Variants in EIF3D observed in about 807,000 individuals in gnomAD.
EIF3D encodes the protein eukaryotic translation initiation factor 3 subunit D.
In EIF3D, 10 loss-of-function variants were observed where a neutral mutation model predicts 75.4. The ratio of observed to expected loss-of-function variants is 0.13; its 90% CI spans 0.08 to 0.22. The LOEUF (loss-of-function observed/expected upper bound fraction) is 0.22. EIF3D is among the 10% of genes least tolerant of loss of function. EIF3D has a pLI of 1.00. For missense variants in EIF3D, 394 were observed against 708.0 expected, an observed-to-expected ratio of 0.56 and a Z score of 5.03; for synonymous variants, 246 against 248.3, an observed-to-expected ratio of 0.99 and a Z score of 0.09.
In EIF3D at chr22:36,511,037, G is replaced by C. The variant is rs577815165; in HGVS notation, c.1634-37C>G. 3.3e-5 allele frequency: 53 copies of C among 1,600,684 alleles called. 1 individual carries two copies. The South Asian group carries it at 4.4e-4, about 13-fold the overall frequency. On this transcript the variant is annotated intron_variant, in intron 14 of 14. Transcript: ENST00000216190. ...AAAAAATGTAAGAGAAATGAGCCAG[G>C]TTGTGTGATATGATGTTCACTTTCC...
intron 13 of EIF3D, among the ~76,000 whole-genome samples, chr22:36,512,040 G>A (rs1304278816): frequency 7.2e-5 from 11 of 151,976 alleles, no homozygotes; most frequent in Non-Finnish European, 1.6e-4. Flanking sequence ...ACAGGCGCCC[G>A]CCACTACGCC....
intron 9 of EIF3D, among the ~76,000 whole-genome samples, chr22:36,518,508 A>AC (rs1445489001): frequency 6.7e-6 from 1 of 150,370 alleles, no homozygotes; most frequent in Non-Finnish European, 1.5e-5. Context: ...AAAAAAAAAA[A>AC]ACAACAAAAA....
chr22:36,526,822 C>G (rs1487921797), intron 1 of EIF3D: 2 of 152,214 alleles, frequency 1.3e-5, no homozygotes, highest in Admixed American at 1.3e-4. Context: ...CTCCTGACCT[C>G]AAATGATCCT....
intron 3 of EIF3D, 149 bp downstream of exon 3, chr22:36,525,515 T>C: frequency 1.1e-6 from 1 of 899,836 alleles, no homozygotes; most frequent in Non-Finnish European, 1.8e-6. Flanking sequence ...AATGTGGTTA[T>C]TGTTAAAGCC....
rs889229792 is a variant in EIF3D, at chr22:36,519,298, C to T, written c.711+107G>A. 6.7e-6 allele frequency: 10 copies of T among 1,499,058 alleles called. No homozygotes were observed. In the Admixed American group the frequency reaches 1.9e-4, roughly 29 times the overall value. The allele number at this position is 1,499,058 out of a possible 1,614,324, so 92.9% of individuals were successfully genotyped here. ...GGTCTACCTGGCAAAGTGCTTTTAC[C>T]TATAATACATACGTTATTCCCATGT... is the stretch of plus-strand genomic sequence containing the variant. On this transcript the variant is annotated intron_variant, in intron 8 of 14. Coordinates refer to ENST00000216190, the MANE Select transcript of EIF3D (RefSeq NM_003753.4).
intron 5 of EIF3D, among the ~76,000 whole-genome samples, chr22:36,523,487 G>A (rs1019000290): frequency 6.6e-6 from 1 of 152,210 alleles, no homozygotes; most frequent in African/African-American, 2.4e-5. Context: ...ATACTGACCA[G>A]ATGATTTTAC....
At chr22:36,522,119 T>C (rs1934523343) in intron 6 of EIF3D, among the ~76,000 whole-genome samples, 1 of 152,200 alleles carries the variant, frequency 6.6e-6, no homozygotes, top group South Asian at 2.1e-4. Flanking sequence ...TTTGGGAGGC[T>C]GAGGTGGGTG....
At chr22:36,525,845 C>A in intron 2 of EIF3D, 136 bp from the exon 3 acceptor site, 2 of 1,445,800 alleles carry the variant, frequency 1.4e-6, no homozygotes, top group East Asian at 2.3e-5. Flanking sequence ...AAGTGCCCAG[C>A]TCTTCTATGA....
Position 36,510,993 on chromosome 22 carries a change from T to G in EIF3D, c.1641A>C (p.Glu547Asp). 1 of 1,608,408 alleles carries G rather than the reference T, an allele frequency of 6.2e-7. No individual in the cohort carries two copies. The highest frequency in any genetic ancestry group is 8.5e-7 in the Non-Finnish European group (1 of 1,178,320). ...EEEEEEEEEEET is the reference protein window; with the variant it reads ...EEEEEEEEEEDT ...CCAGCTCCACATCACTGGTTTAAGT[T>G]TCTTCCTCTGAAAGACACAAAAAAT... Residue 547 changes from glutamate (E) to aspartate (D), a missense_variant, in exon 15 of 15, where the codon GAA becomes GAC. Physicochemically the swap from Glu to Asp is conservative, Grantham distance 45 (BLOSUM62 2). Coordinates refer to ENST00000216190, the MANE Select transcript of EIF3D (RefSeq NM_003753.4).
At chr22:36,523,053 A>G in intron 6 of EIF3D, 156 bp downstream of exon 6, 1 of 647,072 alleles carries the variant, frequency 1.5e-6, no homozygotes, top group South Asian at 1.7e-5. Flanking sequence ...GGGTGATGAA[A>G]ATGGTCTGAA....
intron 12 of EIF3D, chr22:36,512,854 CACGG>C (rs1934362783): frequency 5.0e-6 from 2 of 399,616 alleles, no homozygotes; most frequent in Admixed American, 5.3e-5. Context: ...GATGGACACA[CACGG>C]ACACACACAC....
In EIF3D at chr22:36,526,147, C is replaced by A; in HGVS notation, c.-10-16G>T. ...CTTCCAAAATCTGAAAAATATAAATCATGTGAGTAGCGGCATGAACGAAGG... is the reference window on the plus strand; with the variant it reads ...CTTCCAAAATCTGAAAAATATAAATAATGTGAGTAGCGGCATGAACGAAGG... On this transcript the variant is annotated splice_polypyrimidine_tract_variant and intron_variant, in intron 1 of 14. Transcript: ENST00000216190. 6.3e-7 allele frequency: 1 copy of A among 1,591,136 alleles called. No individual in the cohort carries two copies. Among genetic ancestry groups the A allele is most frequent in the East Asian group, 2.3e-5 (1 of 44,072 alleles).
At chr22:36,525,949 A>G in intron 2 of EIF3D, 50 bp downstream of exon 2, 1 of 1,562,026 alleles carries the variant, frequency 6.4e-7, no homozygotes. Context: ...GGGACTCGAG[A>G]GTAGCAGCCA....
chr22:36,511,832 G>A (rs1453137807), intron 13 of EIF3D, 46 bp from the exon 14 acceptor site: 2 of 1,589,772 alleles, frequency 1.3e-6, no homozygotes, highest in Non-Finnish European at 1.7e-6. Flanking sequence ...GCAGCACAGA[G>A]ACAGCAACAC....
At position 36,526,014 on chromosome 22, in the gene EIF3D, T is replaced by G; in HGVS notation, c.108A>C (p.Gly36=). The G allele has an allele frequency of 8.7e-6, 14 of 1,611,960 alleles. No homozygotes were observed. Among genetic ancestry groups the G allele is most frequent in the Non-Finnish European group, 1.2e-5 (14 of 1,178,990 alleles). ...RDMPYQPFSK[G]DRLGKVADWT... ...AGGCATGTACCTTTCCTAGCCGATCTCCTTTGCTGAACGGCTGGTAGGGCA... is the reference window on the plus strand; with the variant it reads ...AGGCATGTACCTTTCCTAGCCGATCGCCTTTGCTGAACGGCTGGTAGGGCA... Residue 36 remains glycine, a synonymous_variant, in exon 2 of 15, where the codon GGA becomes GGC. Coordinates refer to ENST00000216190, the MANE Select transcript of EIF3D (RefSeq NM_003753.4).
rs763811074 is a variant in EIF3D, at chr22:36,512,571, A to AGC, written c.1236_1237dup (p.Leu413ArgfsTer14). ...AATGACAGCCCCTCGCTGAGAGTCC[A>AGC]GCTTCTGACGCCAGTCAACGCCATT... On this transcript the variant is annotated frameshift_variant, in exon 13 of 15. Transcript: ENST00000216190. LOFTEE classifies it high-confidence loss of function. The AGC allele has an allele frequency of 6.2e-7, 1 of 1,614,168 alleles. No individual in the cohort carries two copies. The highest frequency in any genetic ancestry group is 8.5e-7 in the Non-Finnish European group (1 of 1,180,014).
rs377189306 is a variant in EIF3D, at chr22:36,525,713, C to G, written c.124-4G>C. The G allele has an allele frequency of 4.3e-6, 7 of 1,610,114 alleles. No homozygotes were observed. In the Admixed American group the frequency reaches 6.8e-5, roughly 16 times the overall value. On this transcript the variant is annotated splice_region_variant and splice_polypyrimidine_tract_variant and intron_variant, in intron 2 of 14. Coordinates refer to ENST00000216190, the MANE Select transcript of EIF3D (RefSeq NM_003753.4). ...TGGCTCCTGTCCAGTCTGCAACCTA[C>G]GAAGAACAAGAAAAGACAGAGAATG...
At chr22:36,512,817 A>G in intron 12 of EIF3D, 4 of 542,730 alleles carry the variant, frequency 7.4e-6, no homozygotes, top group Non-Finnish European at 6.5e-6. Context: ...CCTCTCTTCT[A>G]AAAGCTCGCC....
rs145930602 is a variant in EIF3D at position 36,512,976 on chromosome 22, G to A, written c.1207-374C>T. 1.6e-3 allele frequency: 267 copies of A among 167,292 alleles called. 2 individuals are homozygous for A. Among genetic ancestry groups the A allele is most frequent in the African/African-American group, 6.0e-3 (253 of 42,000 alleles). The allele number at this position is 167,292 out of a possible 1,614,324, so 10.4% of individuals were successfully genotyped here. A position where few individuals can be genotyped will look rare whatever the true frequency, so the allele number is the denominator to read the frequency against. On this transcript the variant is annotated intron_variant, in intron 12 of 14. Coordinates refer to ENST00000216190, the MANE Select transcript of EIF3D (RefSeq NM_003753.4). The stretch of plus-strand genomic sequence containing the variant: ...GAGGACGTGTAACAGTGAGCCAAGT[G>A]GAGAATATTGGCTCAAGTGCAGGTG...
Sources: allele counts gnomAD v4.1 joint callset (sites outside exome capture counted in the v4.1 genomes callset), GRCh38; gene constraint gnomAD v4.1.1; transcripts MANE v1.5; gene names NCBI Gene and HGNC (gene_info 2026-07-23, HGNC 2026-07-21).